The following CPAP variants were observed in gnomAD, a reference collection of about 807,000 sequenced individuals.
CPAP encodes the protein centrosome assembly and centriole elongation protein.
At chr13:24,906,589 C>T in the CPAP span, 2 of 1,614,212 alleles carry the variant, frequency 1.2e-6, no homozygotes, top group South Asian at 2.2e-5. Context: ...CTCTAAACTG[C>T]CCATCACATT....
the CPAP span, chr13:24,903,890 T>C: frequency 6.2e-7 from 1 of 1,607,630 alleles, no homozygotes; most frequent in African/African-American, 1.3e-5. Context: ...ACTGAGTCAC[T>C]GCATATTTTT....
At chr13:24,904,156 C>T in the CPAP span, 3 of 1,338,768 alleles carry the variant, frequency 2.2e-6, no homozygotes, top group Admixed American at 3.4e-5. Context: ...ATATGGCAAA[C>T]ATCTGTGCTA....
chr13:24,928,523 C>A, the CPAP span, among the ~76,000 whole-genome samples: 1 of 152,180 alleles, frequency 6.6e-6, no homozygotes, highest in African/African-American at 2.4e-5. Context: ...CTCCACCTCC[C>A]GAGTTCAAGT....
At chr13:24,885,132 C>T in the CPAP span, 110,503 of 650,076 alleles carry the variant, frequency 0.17, 11,060 homozygotes, top group Admixed American at 0.3. Context: ...GATTGTATGC[C>T]GCCTTTTGCT....
the CPAP span, among the ~76,000 whole-genome samples, chr13:24,930,438 G>GT: frequency 1.3e-5 from 2 of 152,094 alleles, no homozygotes; most frequent in African/African-American, 4.8e-5. Flanking sequence ...TGTACCAATA[G>GT]TTTTTTCAAC....
chr13:24,891,892 G>A, the CPAP span, among the ~76,000 whole-genome samples: 2 of 152,112 alleles, frequency 1.3e-5, no homozygotes, highest in Non-Finnish European at 2.9e-5. Flanking sequence ...GCCCACTCAG[G>A]TGCTGCTGCA....
the CPAP span, among the ~76,000 whole-genome samples, chr13:24,929,267 G>T: frequency 2.0e-5 from 3 of 152,138 alleles, no homozygotes; most frequent in Admixed American, 1.3e-4. Context: ...TTGCCATGTT[G>T]CCTAGGCTGT....
the CPAP span, chr13:24,906,815 T>G: frequency 6.2e-7 from 1 of 1,614,252 alleles, no homozygotes; most frequent in Non-Finnish European, 8.5e-7. Context: ...CGGCTGGTCC[T>G]CGGAAGTGCT....
At chr13:24,901,089 G>C in the CPAP span, among the ~76,000 whole-genome samples, 1 of 152,182 alleles carries the variant, frequency 6.6e-6, no homozygotes, top group South Asian at 2.1e-4. Context: ...TTAAAGCCTT[G>C]AGACCGGACA....
At chr13:24,911,606 T>TC in the CPAP span, among the ~76,000 whole-genome samples, 1 of 151,962 alleles carries the variant, frequency 6.6e-6, no homozygotes, top group Non-Finnish European at 1.5e-5. Flanking sequence ...CCATTATAGC[T>TC]CACTGCTGCA....
At chr13:24,917,136 G>C in the CPAP span, among the ~76,000 whole-genome samples, 1 of 152,120 alleles carries the variant, frequency 6.6e-6, no homozygotes, top group Non-Finnish European at 1.5e-5. Context: ...TGTAGTCCCA[G>C]CTACTCGGGG....
the CPAP span, chr13:24,886,095 T>C: frequency 2.6e-6 from 1 of 379,906 alleles, no homozygotes. Context: ...ACCAATCACA[T>C]ACTGTACCAG....
At chr13:24,901,078 T>C in the CPAP span, among the ~76,000 whole-genome samples, 2 of 152,126 alleles carry the variant, frequency 1.3e-5, no homozygotes, top group African/African-American at 4.8e-5. Flanking sequence ...CGTAACAGCA[T>C]TTAAAGCCTT....
At chr13:24,921,472 C>G in the CPAP span, among the ~76,000 whole-genome samples, 1 of 152,172 alleles carries the variant, frequency 6.6e-6, no homozygotes, top group African/African-American at 2.4e-5. Context: ...TTGACTTCAA[C>G]AACTGGGAAG....
At chr13:24,924,686 G>A in the CPAP span, 1 of 152,172 alleles carries the variant, frequency 6.6e-6, no homozygotes, top group Admixed American at 6.5e-5. Flanking sequence ...TGTGGCACAG[G>A]GGTTTTAATG....
At chr13:24,886,176 C>A in the CPAP span, 2 of 550,238 alleles carry the variant, frequency 3.6e-6, no homozygotes, top group Non-Finnish European at 6.3e-6. Context: ...TCTAAAAATA[C>A]ACTGAAGTGC....
the CPAP span, among the ~76,000 whole-genome samples, chr13:24,895,943 A>G: frequency 2.0e-5 from 3 of 152,206 alleles, no homozygotes; most frequent in Non-Finnish European, 4.4e-5. Flanking sequence ...TAAAATAGTT[A>G]ATATTTTTCA....
the CPAP span, among the ~76,000 whole-genome samples, chr13:24,923,938 C>G: frequency 6.6e-6 from 1 of 152,162 alleles, no homozygotes; most frequent in African/African-American, 2.4e-5. Flanking sequence ...ACGCCATTCT[C>G]CTGCCTCAGC....
the CPAP span, among the ~76,000 whole-genome samples, chr13:24,928,421 A>G: frequency 6.6e-6 from 1 of 152,202 alleles, no homozygotes; most frequent in Non-Finnish European, 1.5e-5. Flanking sequence ...TTCTAGAATT[A>G]CTTCAGTAAA....
Sources: allele counts gnomAD v4.1 joint callset (sites outside exome capture counted in the v4.1 genomes callset), GRCh38; gene constraint gnomAD v4.1.1; transcripts MANE v1.5; gene names NCBI Gene and HGNC (gene_info 2026-07-23, HGNC 2026-07-21).